FBXO8: variants seen among roughly 807,000 people sequenced by gnomAD.
FBXO8 encodes the protein F-box only protein 8.
FBXO8 carries 15 observed loss-of-function variants against 33.4 expected under a neutral mutation model. That is an observed-to-expected ratio of 0.45 (90% CI 0.30 to 0.69). FBXO8 has a LOEUF of 0.69. FBXO8 is among the 30% of genes least tolerant of loss of function. The pLI is 0.08. For synonymous variants in FBXO8, 132 were observed against 131.5 expected (o/e 1.00, Z -0.02); for missense variants, 274 against 380.3 (o/e 0.72, Z 2.32).
rs1053734288 is a variant in FBXO8, at chr4:174,278,914, G to A, written c.-9+4496C>T. On this transcript the variant is annotated intron_variant, in intron 1 of 5. Coordinates refer to ENST00000393674, the MANE Select transcript of FBXO8 (RefSeq NM_012180.3). This position sits in a 1 kb window ranked among gnomAD's most constrained non-coding sequence, Gnocchi z 4.1. ...GGAAAGAAAACATGAGTTTGACTCA[G>A]TCTCCTTCCTTAGCTAGTAGGGAGC... 6.6e-6 allele frequency among the ~76,000 whole-genome samples: 1 copy of A among 152,096 alleles called. No individual in the cohort carries two copies. The highest frequency in any genetic ancestry group is 2.4e-5 in the African/African-American group (1 of 41,452).
In FBXO8 at chr4:174,262,726, A is replaced by T; in HGVS notation, c.329+38T>A. On this transcript the variant is annotated intron_variant, in intron 2 of 5. Transcript: ENST00000393674. The surrounding 1 kb of genome is among the most constrained non-coding windows in gnomAD (Gnocchi z 4.6). ...AGAACATTGAAGCATGATTATGTTT[A>T]GAGATACCTGAATTCAACTTTGGTG... 1 of 1,540,328 alleles carries T rather than the reference A, an allele frequency of 6.5e-7. No homozygotes were observed. The highest frequency in any genetic ancestry group is 9.0e-7 in the Non-Finnish European group (1 of 1,116,410).
rs1737000303 is a variant in FBXO8 at position 174,278,336 on chromosome 4, TA to T, written c.-9+5073del. On this transcript the variant is annotated intron_variant, in intron 1 of 5. Coordinates refer to ENST00000393674, the MANE Select transcript of FBXO8 (RefSeq NM_012180.3). The surrounding 1 kb of genome is among the most constrained non-coding windows in gnomAD (Gnocchi z 4.1). ...ACCATTTGCAGGTTTTGGTTTTTTTTAATTCAAAAAGATTTACAATATTACT... is the reference window on the plus strand; with the variant it reads ...ACCATTTGCAGGTTTTGGTTTTTTTTATTCAAAAAGATTTACAATATTACT... Among the ~76,000 whole-genome samples, 1 of 152,058 alleles carries T rather than the reference TA, an allele frequency of 6.6e-6. No individual in the cohort carries two copies. Among genetic ancestry groups the T allele is most frequent in the Non-Finnish European group, 1.5e-5 (1 of 67,952 alleles).
Position 174,262,036 on chromosome 4 carries a change from T to TA in FBXO8, c.329+727dup, listed in dbSNP as rs1413870277. On this transcript the variant is annotated intron_variant, in intron 2 of 5. Coordinates refer to ENST00000393674, the MANE Select transcript of FBXO8 (RefSeq NM_012180.3). This position sits in a 1 kb window ranked among gnomAD's most constrained non-coding sequence, Gnocchi z 4.6. Reference sequence around the variant, plus strand: ...TACTTTTTGTTAAAGTATATGATGCTATTTAAGGAGTAACTTAGGTTCAAT... The same window carrying TA: ...TACTTTTTGTTAAAGTATATGATGCTAATTTAAGGAGTAACTTAGGTTCAAT... 6.6e-6 allele frequency among the ~76,000 whole-genome samples: 1 copy of TA among 152,132 alleles called. No individual in the cohort carries two copies. The highest frequency in any genetic ancestry group is 1.9e-4 in the East Asian group (1 of 5,204).
Position 174,262,691 on chromosome 4 carries a change from C to A in FBXO8, c.329+73G>T, listed in dbSNP as rs1258242175. 3.9e-6 allele frequency: 5 copies of A among 1,279,424 alleles called. No homozygotes were observed. The East Asian group carries it at 1.2e-4, about 32-fold the overall frequency. 79.3% of individuals were successfully genotyped at this position (1,279,424 alleles called of 1,614,324 possible). ...TTTAAAGAAAATATTTTGTAATATA[C>A]ATTATAAAAAGAACATTGAAGCATG... On this transcript the variant is annotated intron_variant, in intron 2 of 5. Transcript: ENST00000393674. This position sits in a 1 kb window ranked among gnomAD's most constrained non-coding sequence, Gnocchi z 4.6.
chr4:174,238,013 T>TA (rs926311719), intron 5 of FBXO8, among the ~76,000 whole-genome samples: 6 of 151,592 alleles, frequency 4.0e-5, no homozygotes, highest in African/African-American at 7.2e-5. Context: ...CTCCTCTTTC[T>TA]AAAAAAAAAT....
chr4:174,237,766 C>A lies in FBXO8; in HGVS notation c.773-167G>T, dbSNP rs1307416896. On this transcript the variant is annotated intron_variant, in intron 5 of 5. Coordinates refer to ENST00000393674, the MANE Select transcript of FBXO8 (RefSeq NM_012180.3). This position sits in a 1 kb window ranked among gnomAD's most constrained non-coding sequence, Gnocchi z 4.4. ...TGTCTAGACTCTTCCCAGTTTTGCACTGAAAGTCCTGTCATCCTGGGAAAC... is the reference window on the plus strand; with the variant it reads ...TGTCTAGACTCTTCCCAGTTTTGCAATGAAAGTCCTGTCATCCTGGGAAAC... Among the ~76,000 whole-genome samples, 2 of 152,076 alleles carry A rather than the reference C, an allele frequency of 1.3e-5. No homozygotes were observed. Among genetic ancestry groups the A allele is most frequent in the Non-Finnish European group, 2.9e-5 (2 of 67,962 alleles).
rs1736506191 is a variant in FBXO8, at chr4:174,259,763, G to T, written c.392C>A (p.Ser131Tyr). The stretch of plus-strand genomic sequence containing the variant: ...CAGCTGCATATACAATTTTCTAAAA[G>T]AAAATCCTAAAGGTGGGTTCTTATT... Reference protein sequence around the residue: ...IYNKNPPLGFSFRKLYMQLDE... With the variant: ...IYNKNPPLGFYFRKLYMQLDE... The change falls in exon 3 of 6, where the codon TCT (serine) becomes TAT (tyrosine). Residue 131 changes from serine (S) to tyrosine (Y), a missense_variant. By Grantham distance (144) the Ser-to-Tyr change is moderately radical (BLOSUM62 -2). This residue lies in a region of FBXO8 where 186 missense variants were observed against 293.4 expected (regional missense o/e 0.63). Transcript: ENST00000393674. The surrounding 1 kb of genome is among the most constrained non-coding windows in gnomAD (Gnocchi z 4.3). 1 of 1,612,032 alleles carries T rather than the reference G, an allele frequency of 6.2e-7. No homozygotes were observed. The highest frequency in any genetic ancestry group is 1.3e-5 in the African/African-American group (1 of 74,776).
rs964819760 is a variant in FBXO8, at chr4:174,274,205, G to C, written c.-9+9205C>G. On this transcript the variant is annotated intron_variant, in intron 1 of 5. Transcript: ENST00000393674. This position sits in a 1 kb window ranked among gnomAD's most constrained non-coding sequence, Gnocchi z 4.0. ...TTCTTGTGGAAAGCACACAGGCTTT[G>C]ATGTGAAGAAAGATCAGCATCAAAC... Among the ~76,000 whole-genome samples the C allele has an allele frequency of 1.3e-5, 2 of 152,016 alleles. No homozygotes were observed. Among genetic ancestry groups the C allele is most frequent in the African/African-American group, 4.8e-5 (2 of 41,438 alleles).
In FBXO8 at chr4:174,245,751, G is replaced by A. The variant is rs576490182; in HGVS notation, c.457-4533C>T. Among the ~76,000 whole-genome samples, 31 of 151,754 alleles carry A rather than the reference G, an allele frequency of 2.0e-4. No homozygotes were observed. Among genetic ancestry groups the A allele is most frequent in the South Asian group, 4.2e-4 (2 of 4,806 alleles). On this transcript the variant is annotated intron_variant, in intron 3 of 5. Transcript: ENST00000393674. This position sits in a 1 kb window ranked among gnomAD's most constrained non-coding sequence, Gnocchi z 4.6. ...TAAAAAATAAAAATAAATAGATAGC[G>A]GGCTATACAACTGTATATGTTACAT... is the stretch of plus-strand genomic sequence containing the variant.
rs1464555271 is a variant in FBXO8 at position 174,267,559 on chromosome 4, A to C, written c.-8-4459T>G. On this transcript the variant is annotated intron_variant, in intron 1 of 5. Transcript: ENST00000393674. This position sits in a 1 kb window ranked among gnomAD's most constrained non-coding sequence, Gnocchi z 4.7. The stretch of plus-strand genomic sequence containing the variant: ...GAGACCTTGCCTCTAAAAAAAATTA[A>C]AATTAAAAATTAAAAGAAAATAAAC... Among the ~76,000 whole-genome samples, 1 of 152,150 alleles carries C rather than the reference A, an allele frequency of 6.6e-6. No homozygotes were observed. The highest frequency in any genetic ancestry group is 3.2e-3 in the Middle Eastern group (1 of 316).
intron 3 of FBXO8, among the ~76,000 whole-genome samples, chr4:174,250,837 T>C (rs2126423558): frequency 6.6e-6 from 1 of 152,238 alleles, no homozygotes; most frequent in East Asian, 1.9e-4. Context: ...AATTGCTAAA[T>C]TCATGAAAGA....
intron 1 of FBXO8, among the ~76,000 whole-genome samples, chr4:174,264,652 G>A (rs7669484): frequency 0.26 from 40,011 of 151,766 alleles, 6,438 homozygotes; most frequent in Non-Finnish European, 0.37. Flanking sequence ...GGTACAAAGA[G>A]AAGAAACATA....
At chr4:174,244,801 T>C (rs1176883705) in intron 3 of FBXO8, among the ~76,000 whole-genome samples, 1 of 151,706 alleles carries the variant, frequency 6.6e-6, no homozygotes, top group Non-Finnish European at 1.5e-5. Flanking sequence ...TTCCTCTTAT[T>C]AAAATAGATA....
At chr4:174,266,949 A>G (rs1282967390) in intron 1 of FBXO8, among the ~76,000 whole-genome samples, 1 of 152,230 alleles carries the variant, frequency 6.6e-6, no homozygotes. Flanking sequence ...AATGATACTT[A>G]AACTGTTCTG....
rs769670984 is a variant in FBXO8 at position 174,241,159 on chromosome 4, C to T, written c.516G>A (p.Lys172=). ...ILDDSPKEIA[K]FIFCTRTLNW... ...TTAGTGTTCTTGTACAGAAGATAAACTTTGCTATTTCCTTTGGCGAATCAT... is the reference window on the plus strand; with the variant it reads ...TTAGTGTTCTTGTACAGAAGATAAATTTTGCTATTTCCTTTGGCGAATCAT... The change falls in exon 4 of 6, where the codon AAG becomes AAA. Residue 172 remains lysine, a synonymous_variant. Transcript: ENST00000393674. The surrounding 1 kb of genome is among the most constrained non-coding windows in gnomAD (Gnocchi z 4.2). 2.5e-6 allele frequency: 4 copies of T among 1,610,218 alleles called. No homozygotes were observed. Among genetic ancestry groups the T allele is most frequent in the Non-Finnish European group, 3.4e-6 (4 of 1,177,584 alleles).
rs890916629 is a variant in FBXO8, at chr4:174,237,943, G to A, written c.773-344C>T. Among the ~76,000 whole-genome samples, 2 of 151,660 alleles carry A rather than the reference G, an allele frequency of 1.3e-5. No individual in the cohort carries two copies. Among genetic ancestry groups the A allele is most frequent in the Admixed American group, 6.6e-5 (1 of 15,222 alleles). Reference sequence around the variant, plus strand: ...AAAATTTAGAATTGGCTTTATTTTCGTCTTTGCTTTCAAATGTGATATTTC... The same window carrying A: ...AAAATTTAGAATTGGCTTTATTTTCATCTTTGCTTTCAAATGTGATATTTC... On this transcript the variant is annotated intron_variant, in intron 5 of 5. Coordinates refer to ENST00000393674, the MANE Select transcript of FBXO8 (RefSeq NM_012180.3). This position sits in a 1 kb window ranked among gnomAD's most constrained non-coding sequence, Gnocchi z 4.4.
rs1191805009 is a variant in FBXO8 at position 174,247,458 on chromosome 4, T to C, written c.457-6240A>G. Among the ~76,000 whole-genome samples, 1 of 152,020 alleles carries C rather than the reference T, an allele frequency of 6.6e-6. No individual in the cohort carries two copies. Among genetic ancestry groups the C allele is most frequent in the Admixed American group, 6.6e-5 (1 of 15,218 alleles). On this transcript the variant is annotated intron_variant, in intron 3 of 5. Coordinates refer to ENST00000393674, the MANE Select transcript of FBXO8 (RefSeq NM_012180.3). The surrounding 1 kb of genome is among the most constrained non-coding windows in gnomAD (Gnocchi z 4.6). ...AAACTGCCCTTAGACCATTATATAA[T>C]AGAAAGCCAATTGGATACTGCATTT...
In FBXO8 at chr4:174,257,130, G is replaced by C. The variant is rs1579027145; in HGVS notation, c.456+2569C>G. ...CCCCTCTCCAAACACCCTAGAGGAG[G>C]TACTAACAAGAACTGTATAGTTTGA... On this transcript the variant is annotated intron_variant, in intron 3 of 5. Coordinates refer to ENST00000393674, the MANE Select transcript of FBXO8 (RefSeq NM_012180.3). The surrounding 1 kb of genome is among the most constrained non-coding windows in gnomAD (Gnocchi z 4.3). Among the ~76,000 whole-genome samples, 1 of 152,088 alleles carries C rather than the reference G, an allele frequency of 6.6e-6. No individual in the cohort carries two copies. The highest frequency in any genetic ancestry group is 1.5e-5 in the Non-Finnish European group (1 of 68,014).
chr4:174,282,554 AT>A (rs1192480340), intron 1 of FBXO8, among the ~76,000 whole-genome samples: 2 of 152,144 alleles, frequency 1.3e-5, no homozygotes, highest in Non-Finnish European at 2.9e-5. Flanking sequence ...TTCACATATC[AT>A]TTTCGTGAAG....
Sources: gnomAD v4.1 joint callset for allele counts (sites outside exome capture counted in the v4.1 genomes callset) on GRCh38, gnomAD v4.1.1 for gene constraint, gnomAD v4.1.1 regional missense constraint, Gnocchi (gnomAD v3.1) non-coding constraint, MANE v1.5 for transcripts, NCBI Gene and HGNC (gene_info 2026-07-23, HGNC 2026-07-21) for gene names.